WSCD2: variants seen among roughly 807,000 people sequenced by gnomAD.
WSCD2 encodes the protein WSC domain sialate O sulfotransferase 2.
WSCD2 carries 28 observed loss-of-function variants against 55.7 expected under a neutral mutation model. The observed-to-expected ratio is 0.50, with a 90% CI of 0.37 to 0.69. WSCD2 has a LOEUF of 0.69. WSCD2 is among the 30% of genes least tolerant of loss of function. WSCD2 has a pLI of 0.00. For missense variants in WSCD2, 616 were observed against 762.1 expected (o/e 0.81, Z 2.26); for synonymous variants, 301 against 301.9 (o/e 1.00, Z 0.03).
intron 1 of WSCD2, among the ~76,000 whole-genome samples, chr12:108,193,738 G>T (rs1249741353): frequency 6.6e-6 from 1 of 152,198 alleles, no homozygotes; most frequent in African/African-American, 2.4e-5. Flanking sequence ...TTAATGACTG[G>T]ATGGGTAGGT....
At chr12:108,165,667 G>C (rs1453011871) in intron 1 of WSCD2, among the ~76,000 whole-genome samples, 1 of 152,178 alleles carries the variant, frequency 6.6e-6, no homozygotes, top group Non-Finnish European at 1.5e-5. Context: ...GTGAGGTGGA[G>C]ACATATCCCA....
At chr12:108,235,936 C>T (rs1324665424) in intron 7 of WSCD2, among the ~76,000 whole-genome samples, 4 of 152,188 alleles carry the variant, frequency 2.6e-5, no homozygotes, top group African/African-American at 9.7e-5. Flanking sequence ...ATCTAGCTAA[C>T]CCTGCCCAGT....
chr12:108,229,317 A>C (rs1888488359), intron 6 of WSCD2, among the ~76,000 whole-genome samples: 1 of 152,194 alleles, frequency 6.6e-6, no homozygotes, highest in Non-Finnish European at 1.5e-5. Context: ...CTAATCATCC[A>C]AACAGTCCAG....
In WSCD2 at chr12:108,195,598, A is replaced by G. The variant is rs925241891; in HGVS notation, c.-235A>G. ...GCCTCAAAACCCCCTTGTTGGCCCA[A>G]AGAAGCTCACCTTCAGTTTGGGAGG... is the stretch of plus-strand genomic sequence containing the variant. On this transcript the variant is annotated 5_prime_UTR_variant, in exon 2 of 9. Coordinates refer to ENST00000547525, the MANE Select transcript of WSCD2 (RefSeq NM_014653.4). 4 of 571,048 alleles carry G rather than the reference A, an allele frequency of 7.0e-6. No individual in the cohort carries two copies. The Admixed American group carries it at 1.4e-4, about 19-fold the overall frequency. The allele number at this position is 571,048 out of a possible 1,614,324, so 35.4% of individuals were successfully genotyped here.
intron 1 of WSCD2, among the ~76,000 whole-genome samples, chr12:108,184,870 C>T (rs774461054): frequency 2.6e-5 from 4 of 152,148 alleles, no homozygotes; most frequent in Non-Finnish European, 4.4e-5. Flanking sequence ...AAGGCTGTTT[C>T]GCTAGGTGTT....
intron 2 of WSCD2, among the ~76,000 whole-genome samples, chr12:108,203,608 C>G (rs1037153592): frequency 3.9e-5 from 6 of 152,188 alleles, no homozygotes; most frequent in Non-Finnish European, 7.3e-5. Flanking sequence ...AAGGCACAAA[C>G]AGTCCACTAC....
chr12:108,135,560 C>A (rs1944040028), intron 1 of WSCD2, among the ~76,000 whole-genome samples: 2 of 152,212 alleles, frequency 1.3e-5, no homozygotes, highest in African/African-American at 4.8e-5. Context: ...GGTTGAATGT[C>A]ACTACCAGAG....
rs79849796 is a variant in WSCD2, at chr12:108,226,463, T to C, written c.805-527T>C. 3.8e-3 allele frequency among the ~76,000 whole-genome samples: 574 copies of C among 152,202 alleles called. 3 individuals carry two copies. Among genetic ancestry groups the C allele is most frequent in the African/African-American group, 0.013 (546 of 41,534 alleles). ...CTCATCAAGGGGGCATTTACTGTGG[T>C]GTATTGCATGACCACGAGAAAGGGA... is the stretch of plus-strand genomic sequence containing the variant. On this transcript the variant is annotated intron_variant, in intron 5 of 8. Coordinates refer to ENST00000547525, the MANE Select transcript of WSCD2 (RefSeq NM_014653.4).
At chr12:108,177,904 G>A (rs912417375) in intron 1 of WSCD2, among the ~76,000 whole-genome samples, 57 of 152,150 alleles carry the variant, frequency 3.7e-4, no homozygotes, top group African/African-American at 1.3e-3. Flanking sequence ...GTCTTGATCT[G>A]GGTGGGTCAC....
At chr12:108,155,403 G>A (rs879813058) in intron 1 of WSCD2, among the ~76,000 whole-genome samples, 1 of 152,178 alleles carries the variant, frequency 6.6e-6, no homozygotes, top group Non-Finnish European at 1.5e-5. Flanking sequence ...ATTCAGCCAT[G>A]TGTGTCTTAT....
chr12:108,240,592 C>G, intron 8 of WSCD2, 48 bp downstream of exon 8: 9 of 484,820 alleles, frequency 1.9e-5, no homozygotes, highest in South Asian at 1.1e-4. Context: ...CTTCGGGCTG[C>G]AGGGGGCGGT....
At chr12:108,242,145 G>A (rs951254566) in intron 8 of WSCD2, among the ~76,000 whole-genome samples, 5 of 152,194 alleles carry the variant, frequency 3.3e-5, no homozygotes, top group Admixed American at 2.6e-4. Flanking sequence ...AACAGAGCAG[G>A]GCAGGATGAC....
intron 1 of WSCD2, among the ~76,000 whole-genome samples, chr12:108,159,922 G>A (rs1878891914): frequency 6.6e-6 from 1 of 152,228 alleles, no homozygotes; most frequent in South Asian, 2.1e-4. Context: ...GGCTGTGAGG[G>A]CTCCTGAGGT....
intron 7 of WSCD2, among the ~76,000 whole-genome samples, chr12:108,234,465 C>T (rs193066839): frequency 5.8e-4 from 88 of 152,256 alleles, no homozygotes; most frequent in Non-Finnish European, 6.2e-4. Context: ...AGAATCCTAG[C>T]TTTTTATATA....
At chr12:108,195,225 T>C (rs1883762371) in intron 1 of WSCD2, 57 bp from the exon 2 acceptor site, 1 of 152,622 alleles carries the variant, frequency 6.6e-6, no homozygotes, top group Non-Finnish European at 1.5e-5. Context: ...AAGAACCCTG[T>C]GGGTTCTGTG....
At chr12:108,138,758 A>G (rs980984729) in intron 1 of WSCD2, among the ~76,000 whole-genome samples, 2 of 152,244 alleles carry the variant, frequency 1.3e-5, no homozygotes, top group African/African-American at 2.4e-5. Context: ...TTCCTCTGCC[A>G]TGAATGTTAT....
intron 1 of WSCD2, among the ~76,000 whole-genome samples, chr12:108,151,993 TCTC>T (rs1878050015): frequency 6.6e-6 from 1 of 152,070 alleles, no homozygotes; most frequent in African/African-American, 2.4e-5. Flanking sequence ...GGGCCATCGA[TCTC>T]CTTCCAAGGG....
At chr12:108,226,929 G>A in intron 5 of WSCD2, 61 bp from the exon 6 acceptor site, 2 of 1,544,898 alleles carry the variant, frequency 1.3e-6, no homozygotes, top group Non-Finnish European at 1.7e-6. Context: ...TCCATTTGGA[G>A]TCTGAAGCTG....
At chr12:108,159,954 G>A (rs1310607034) in intron 1 of WSCD2, among the ~76,000 whole-genome samples, 1 of 152,218 alleles carries the variant, frequency 6.6e-6, no homozygotes, top group African/African-American at 2.4e-5. Context: ...CTGAGACAAA[G>A]GGAATTTGCC....
Sources: gnomAD v4.1 joint callset for allele counts (sites outside exome capture counted in the v4.1 genomes callset) on GRCh38, gnomAD v4.1.1 for gene constraint, MANE v1.5 for transcripts, NCBI Gene and HGNC (gene_info 2026-07-23, HGNC 2026-07-21) for gene names.